TBX15: variants seen among roughly 807,000 people sequenced by gnomAD.
TBX15 encodes the protein T-box transcription factor TBX15.
Under a neutral mutation model 53.9 loss-of-function variants are expected in TBX15, and 18 were observed. That is an observed-to-expected ratio of 0.33 (90% CI 0.23 to 0.49). TBX15 has a LOEUF of 0.49. TBX15 is among the 20% of genes least tolerant of loss of function. TBX15 has a pLI of 0.98. For synonymous variants in TBX15, 295 were observed against 278.0 expected, an observed-to-expected ratio of 1.06 and a Z score of -0.61; for missense variants, 692 against 749.5, an observed-to-expected ratio of 0.92 and a Z score of 0.90.
rs1655503327 is a variant in TBX15, at chr1:118,923,749, T to C, written c.694-146A>G. On this transcript the variant is annotated intron_variant, in intron 4 of 7. Coordinates refer to ENST00000369429, the MANE Select transcript of TBX15 (RefSeq NM_001330677.2). ...TACAGAAAACTAGAAATCAGTATAC[T>C]TGCCCAGGAAGAACTAAGTGATTAA... 3 of 949,470 alleles carry C rather than the reference T, an allele frequency of 3.2e-6. No homozygotes were observed. The East Asian group carries it at 7.7e-5, about 24-fold the overall frequency. The allele number at this position is 949,470 out of a possible 1,614,324, so 58.8% of individuals were successfully genotyped here.
In TBX15 at chr1:118,883,700, G is replaced by C. The variant is rs1377282682; in HGVS notation, c.*1032C>G. On this transcript the variant is annotated 3_prime_UTR_variant, in exon 8 of 8. Coordinates refer to ENST00000369429, the MANE Select transcript of TBX15 (RefSeq NM_001330677.2). The stretch of plus-strand genomic sequence containing the variant: ...TCCCACGTAGTGCACCTCTCTTCTG[G>C]ATCACAGTGGTCAAAGCTGTGGGCT... 3 of 152,204 alleles carry C rather than the reference G, an allele frequency of 2.0e-5. No individual in the cohort carries two copies. Among genetic ancestry groups the C allele is most frequent in the East Asian group, 3.9e-4 (2 of 5,180 alleles). The allele number at this position is 152,204 out of a possible 1,614,324, so 9.4% of individuals were successfully genotyped here.
At chr1:118,893,840 T>A (rs1053311271) in intron 7 of TBX15, among the ~76,000 whole-genome samples, 1 of 152,204 alleles carries the variant, frequency 6.6e-6, no homozygotes, top group Non-Finnish European at 1.5e-5. Context: ...GTTTATTCAC[T>A]TATTCAATCA....
At chr1:118,887,820 A>G (rs1316869913) in intron 7 of TBX15, among the ~76,000 whole-genome samples, 1 of 152,206 alleles carries the variant, frequency 6.6e-6, no homozygotes, top group Non-Finnish European at 1.5e-5. Context: ...GCAGGAAAAA[A>G]AAAAGCGTTC....
At chr1:118,950,642 G>A (rs921937420) in intron 1 of TBX15, among the ~76,000 whole-genome samples, 2 of 152,178 alleles carry the variant, frequency 1.3e-5, no homozygotes, top group African/African-American at 2.4e-5. Flanking sequence ...GACCTCTCAT[G>A]TGGTTTTGTT....
chr1:118,925,441 TGC>T (rs1655562564), intron 3 of TBX15, among the ~76,000 whole-genome samples: 1 of 152,210 alleles, frequency 6.6e-6, no homozygotes, highest in African/African-American at 2.4e-5. Flanking sequence ...CAGTTCACAT[TGC>T]CTTTGATGAA....
At chr1:118,961,320 T>G (rs1046450535) in intron 1 of TBX15, among the ~76,000 whole-genome samples, 1 of 152,246 alleles carries the variant, frequency 6.6e-6, no homozygotes, top group African/African-American at 2.4e-5. Context: ...CCATATTTGT[T>G]GAATAAGTGA....
chr1:118,916,515 C>T (rs1376832044), intron 5 of TBX15, among the ~76,000 whole-genome samples: 1 of 152,076 alleles, frequency 6.6e-6, no homozygotes, highest in African/African-American at 2.4e-5. Context: ...TAGAGAAATG[C>T]AAATCAAAAC....
Position 118,926,521 on chromosome 1 carries a change from A to C in TBX15, c.510T>G (p.Asn170Lys), listed in dbSNP as rs1655600066. Reference protein sequence around the residue: ...YIAMDIVPVDNKRYRYVYHSS... With the variant: ...YIAMDIVPVDKKRYRYVYHSS... ...AGAGTTATTGTTACCTGTATCTTTTATTGTCCACAGGCACAATGTCCATTG... is the reference window on the plus strand; with the variant it reads ...AGAGTTATTGTTACCTGTATCTTTTCTTGTCCACAGGCACAATGTCCATTG... Residue 170 changes from asparagine to lysine, a missense_variant, in exon 3 of 8, where the codon AAT becomes AAG. This residue lies in a region of TBX15 where 307 missense variants were observed against 347.5 expected (regional missense o/e 0.88). Coordinates refer to ENST00000369429, the MANE Select transcript of TBX15 (RefSeq NM_001330677.2). 2 of 1,613,530 alleles carry C rather than the reference A, an allele frequency of 1.2e-6. No homozygotes were observed. Among genetic ancestry groups the C allele is most frequent in the Non-Finnish European group, 1.7e-6 (2 of 1,179,648 alleles).
intron 6 of TBX15, chr1:118,901,313 C>G (rs1654622087): frequency 1.3e-5 from 6 of 455,912 alleles, no homozygotes; most frequent in South Asian, 7.8e-5. Context: ...GAGAAAGGCA[C>G]CAAACTTATT....
Position 118,884,652 on chromosome 1 carries a change from G to T in TBX15, c.*80C>A. On this transcript the variant is annotated 3_prime_UTR_variant, in exon 8 of 8. Transcript: ENST00000369429. ...ACGGTTCCTGTTTTTCAAAGACACT[G>T]GACTCCCAAAGAGGAGGATCTGACC... 7.0e-7 allele frequency: 1 copy of T among 1,437,786 alleles called. No individual in the cohort carries two copies. Among genetic ancestry groups the T allele is most frequent in the Non-Finnish European group, 9.7e-7 (1 of 1,031,660 alleles). 89.1% of individuals were successfully genotyped at this position (1,437,786 alleles called of 1,614,324 possible).
intron 7 of TBX15, among the ~76,000 whole-genome samples, chr1:118,887,165 G>A (rs1438679573): frequency 1.3e-5 from 2 of 152,176 alleles, no homozygotes; most frequent in African/African-American, 4.8e-5. Flanking sequence ...GTCTTCCATA[G>A]GGAATCTTCC....
In TBX15 at chr1:118,952,934, C is replaced by T. The variant is rs146902959; in HGVS notation, c.206-21102G>A. Among the ~76,000 whole-genome samples, 33 of 152,252 alleles carry T rather than the reference C, an allele frequency of 2.2e-4. No individual in the cohort carries two copies. In the East Asian group the frequency reaches 6.2e-3, roughly 29 times the overall value. On this transcript the variant is annotated intron_variant, in intron 1 of 7. Coordinates refer to ENST00000369429, the MANE Select transcript of TBX15 (RefSeq NM_001330677.2). ...TAGCACTTGAAGGAATGGTGCATCT[C>T]ATATTTAGATCCACCCACAGCTCAG... is the stretch of plus-strand genomic sequence containing the variant.
At chr1:118,935,563 G>C (rs1655942484) in intron 1 of TBX15, among the ~76,000 whole-genome samples, 1 of 152,114 alleles carries the variant, frequency 6.6e-6, no homozygotes, top group Non-Finnish European at 1.5e-5. Flanking sequence ...GAAAACTTAA[G>C]TAACCTGCGC....
intron 1 of TBX15, among the ~76,000 whole-genome samples, chr1:118,978,654 GAAC>G (rs1459102938): frequency 1.3e-5 from 2 of 152,052 alleles, no homozygotes; most frequent in Non-Finnish European, 2.9e-5. Context: ...ATATAATACA[GAAC>G]ATGAAGGTCT....
intron 1 of TBX15, among the ~76,000 whole-genome samples, chr1:118,986,326 G>T (rs753268673): frequency 6.6e-6 from 1 of 152,188 alleles, no homozygotes; most frequent in Non-Finnish European, 1.5e-5. Flanking sequence ...AGGCTTGGAC[G>T]GTCGAAATAA....
intron 5 of TBX15, 39 bp from the exon 6 acceptor site, chr1:118,914,218 A>G: frequency 1.3e-6 from 2 of 1,578,334 alleles, no homozygotes; most frequent in African/African-American, 1.3e-5. Context: ...CTTTTATATT[A>G]ACTGATTTCT....
upstream of TBX15, chr1:118,989,474 C>T (rs1571227724): frequency 6.6e-6 from 1 of 152,164 alleles, no homozygotes; most frequent in South Asian, 2.1e-4. Context: ...ATTTCGCGGA[C>T]AGCGGCCTAG....
intron 5 of TBX15, among the ~76,000 whole-genome samples, chr1:118,915,944 T>C (rs960488134): frequency 4.6e-5 from 7 of 152,224 alleles, no homozygotes; most frequent in African/African-American, 1.7e-4. Context: ...CATGGAAATT[T>C]AATAGCAAAT....
intron 4 of TBX15, among the ~76,000 whole-genome samples, chr1:118,923,857 G>A (rs1399856719): frequency 6.6e-6 from 1 of 152,164 alleles, no homozygotes; most frequent in Admixed American, 6.5e-5. Context: ...GGATAATGCT[G>A]AATGACTTCT....
Sources: gnomAD v4.1 joint callset for allele counts (sites outside exome capture counted in the v4.1 genomes callset) on GRCh38, gnomAD v4.1.1 for gene constraint, gnomAD v4.1.1 regional missense constraint, MANE v1.5 for transcripts, NCBI Gene and HGNC (gene_info 2026-07-23, HGNC 2026-07-21) for gene names.